Variants in SYNPR observed in about 807,000 individuals in gnomAD.
SYNPR encodes the protein synaptoporin.
Under a neutral mutation model 32.9 loss-of-function variants are expected in SYNPR, and 23 were observed. The observed-to-expected ratio is 0.70, with a 90% CI of 0.50 to 0.99. The LOEUF (loss-of-function observed/expected upper bound fraction) is 0.99. Ranked by LOEUF, SYNPR falls within the 50% of genes least tolerant of loss-of-function variation. The pLI, the probability that SYNPR is intolerant of heterozygous loss-of-function variation, is 0.00. For synonymous variants in SYNPR, 146 were observed against 135.9 expected, an observed-to-expected ratio of 1.07 and a Z score of -0.52; for missense variants, 318 against 349.3, an observed-to-expected ratio of 0.91 and a Z score of 0.71.
rs892749714 is a variant in SYNPR at position 63,442,737 on chromosome 3, A to G, written c.85-38095A>G. ...CCAAGTTGTAATCTGTCCCTTCTAC[A>G]GTTGCCAGAGCCTTAAAAGCCTGTC... On this transcript the variant is annotated intron_variant, in intron 2 of 5. Coordinates refer to ENST00000478300, the MANE Select transcript of SYNPR (RefSeq NM_001130003.2). Among the ~76,000 whole-genome samples, 5 of 152,184 alleles carry G rather than the reference A, an allele frequency of 3.3e-5. No homozygotes were observed. The South Asian group carries it at 1.0e-3, about 31-fold the overall frequency.
intron 2 of SYNPR, among the ~76,000 whole-genome samples, chr3:63,324,407 G>C (rs1560192424): frequency 6.6e-6 from 1 of 152,106 alleles, no homozygotes; most frequent in African/African-American, 2.4e-5. Context: ...TGTAGCCAAC[G>C]GGGAAACACT....
At chr3:63,577,554 T>G (rs929699651) in intron 4 of SYNPR, among the ~76,000 whole-genome samples, 3 of 152,132 alleles carry the variant, frequency 2.0e-5, no homozygotes, top group Non-Finnish European at 2.9e-5. Flanking sequence ...GGGAGCTTTT[T>G]CTGTGAGAAG....
At chr3:63,443,616 T>C (rs1466577941) in intron 2 of SYNPR, 1 of 946,034 alleles carries the variant, frequency 1.1e-6, no homozygotes, top group Admixed American at 2.9e-5. Flanking sequence ...TTTTCTTGAC[T>C]TTGCTTTCTT....
intron 2 of SYNPR, among the ~76,000 whole-genome samples, chr3:63,476,512 T>C (rs1325956737): frequency 6.6e-6 from 1 of 152,122 alleles, no homozygotes; most frequent in Non-Finnish European, 1.5e-5. Flanking sequence ...AGGAGAAACA[T>C]GGAGAACCTC....
intron 1 of SYNPR, among the ~76,000 whole-genome samples, chr3:63,243,283 C>T (rs989783417): frequency 1.4e-5 from 2 of 141,958 alleles, no homozygotes; most frequent in Non-Finnish European, 3.1e-5. Flanking sequence ...AGTTAAACTG[C>T]AGAATATCAG....
intron 2 of SYNPR, among the ~76,000 whole-genome samples, chr3:63,354,243 A>G (rs1406720516): frequency 4.6e-5 from 7 of 152,330 alleles, no homozygotes; most frequent in Admixed American, 1.3e-4. Context: ...CTGGGATTTC[A>G]GTGGACCACT....
At chr3:63,269,235 T>A (rs773416341) in intron 3 of SYNPR, among the ~76,000 whole-genome samples, 7 of 152,224 alleles carry the variant, frequency 4.6e-5, no homozygotes, top group Non-Finnish European at 1.0e-4. Flanking sequence ...ACGCCTGTAA[T>A]TTCAGCACTT....
chr3:63,410,324 A>G (rs1261285506), intron 2 of SYNPR, among the ~76,000 whole-genome samples: 1 of 152,184 alleles, frequency 6.6e-6, no homozygotes, highest in East Asian at 1.9e-4. Flanking sequence ...ATGAGATTCC[A>G]GAGCTTATGC....
chr3:63,488,659 C>T (rs976084177), intron 3 of SYNPR, among the ~76,000 whole-genome samples: 1 of 152,086 alleles, frequency 6.6e-6, no homozygotes, highest in African/African-American at 2.4e-5. Context: ...GTCTGGCACA[C>T]ATTGAATATT....
At chr3:63,324,768 T>C (rs994602705) in intron 2 of SYNPR, among the ~76,000 whole-genome samples, 4 of 152,074 alleles carry the variant, frequency 2.6e-5, no homozygotes, top group East Asian at 1.9e-4. Context: ...AGCTATTTAG[T>C]ATGGAGAGGA....
intron 2 of SYNPR, among the ~76,000 whole-genome samples, chr3:63,350,185 G>A (rs1442461962): frequency 1.3e-5 from 2 of 150,690 alleles, no homozygotes; most frequent in African/African-American, 4.9e-5. Flanking sequence ...TAAGGGGAAG[G>A]GAAAACAGGT....
chr3:63,574,514 A>G (rs1702944629), intron 4 of SYNPR, among the ~76,000 whole-genome samples: 2 of 152,148 alleles, frequency 1.3e-5, no homozygotes, highest in South Asian at 4.1e-4. Flanking sequence ...GAATCTGGCA[A>G]TGGGATACTG....
chr3:63,396,259 C>A (rs537894074), intron 2 of SYNPR, among the ~76,000 whole-genome samples: 33 of 152,290 alleles, frequency 2.2e-4, no homozygotes, highest in African/African-American at 7.5e-4. Flanking sequence ...TCACAAGGTT[C>A]CTCAAGATCT....
intron 2 of SYNPR, among the ~76,000 whole-genome samples, chr3:63,472,660 T>C (rs1301692084): frequency 1.3e-5 from 2 of 152,192 alleles, no homozygotes; most frequent in African/African-American, 4.8e-5. Context: ...AGCATGGTCC[T>C]GTTGGCAAAG....
chr3:63,539,973 T>C (rs1253653724), intron 3 of SYNPR, among the ~76,000 whole-genome samples: 1 of 152,106 alleles, frequency 6.6e-6, no homozygotes, highest in Non-Finnish European at 1.5e-5. Flanking sequence ...TGCAGCATAG[T>C]AAATTTGCTT....
intron 2 of SYNPR, among the ~76,000 whole-genome samples, chr3:63,332,944 T>C (rs1481640646): frequency 1.3e-5 from 2 of 152,080 alleles, no homozygotes; most frequent in Non-Finnish European, 2.9e-5. Flanking sequence ...TGCTCATAGA[T>C]ATCAGTAATA....
At chr3:63,226,503 A>G (rs2086129383), upstream of SYNPR, among the ~76,000 whole-genome samples, 1 of 152,220 alleles carries the variant, frequency 6.6e-6, no homozygotes, top group African/African-American at 2.4e-5. Flanking sequence ...TATATACACA[A>G]TGGAATACTA....
At chr3:63,238,882 T>C (rs1345850443) in intron 1 of SYNPR, among the ~76,000 whole-genome samples, 1 of 152,140 alleles carries the variant, frequency 6.6e-6, no homozygotes, top group Non-Finnish European at 1.5e-5. Context: ...TGGAGGAGGC[T>C]GTGTTATCTT....
chr3:63,542,914 C>T (rs74715129), intron 3 of SYNPR, among the ~76,000 whole-genome samples: 5,638 of 152,016 alleles, frequency 0.037, 339 homozygotes, highest in African/African-American at 0.13. Flanking sequence ...TGAGGGAAGT[C>T]AAAATTTATC....
Sources: gnomAD v4.1 joint callset for allele counts (sites outside exome capture counted in the v4.1 genomes callset) on GRCh38, gnomAD v4.1.1 for gene constraint, MANE v1.5 for transcripts, NCBI Gene and HGNC (gene_info 2026-07-23, HGNC 2026-07-21) for gene names.